The following VIPR2 variants were observed in gnomAD, a reference collection of about 807,000 sequenced individuals.
The protein encoded by VIPR2 is vasoactive intestinal peptide receptor 2, also known as vasoactive intestinal polypeptide receptor 2.
A neutral mutation model predicts 58.0 loss-of-function variants in VIPR2; 48 were observed. The ratio of observed to expected loss-of-function variants is 0.83; its 90% confidence interval spans 0.66 to 1.05. VIPR2 has a LOEUF of 1.05. Ranked by LOEUF, VIPR2 falls within the 50% of genes least tolerant of loss-of-function variation. The pLI, the probability that VIPR2 is intolerant of heterozygous loss-of-function variation, is 0.00. For missense variants in VIPR2, 534 were observed against 558.0 expected (o/e 0.96, Z 0.43); for synonymous variants, 243 against 235.2 (o/e 1.03, Z -0.30).
rs1402426561 is a variant in VIPR2, at chr7:159,044,174, T to G, written c.456-998A>C. Among the ~76,000 whole-genome samples, 6 of 152,176 alleles carry G rather than the reference T, an allele frequency of 3.9e-5. No homozygotes were observed. The East Asian group carries it at 5.8e-4, about 15-fold the overall frequency. ...AGGGCACTTTTTCTTTTTTTTTCAG[T>G]TTTTTATCTCTTTGACTCCAGGTGT... On this transcript the variant is annotated intron_variant, in intron 5 of 12. Transcript: ENST00000262178.
Position 159,098,949 on chromosome 7 carries a change from C to A in VIPR2, c.357+4808G>T, listed in dbSNP as rs1858038176. Among the ~76,000 whole-genome samples the A allele has an allele frequency of 6.6e-6, 1 of 152,198 alleles. No homozygotes were observed. The highest frequency in any genetic ancestry group is 2.1e-4 in the South Asian group (1 of 4,838). ...TTCAGCTCCCAGGCAGCCCTGCGCT[C>A]GCCGGTGGGCAGAGCCGGCCCAGGA... On this transcript the variant is annotated intron_variant, in intron 4 of 12. Coordinates refer to ENST00000262178, the MANE Select transcript of VIPR2 (RefSeq NM_003382.5). This position sits in a 1 kb window ranked among gnomAD's most constrained non-coding sequence, Gnocchi z 5.2.
At chr7:159,078,278 A>G (rs1161927357) in intron 4 of VIPR2, among the ~76,000 whole-genome samples, 1 of 152,214 alleles carries the variant, frequency 6.6e-6, no homozygotes, top group Non-Finnish European at 1.5e-5. Flanking sequence ...TGTTCCAACT[A>G]GTAACCTTTT....
Position 159,031,421 on chromosome 7 carries a change from C to T in VIPR2, c.1143+407G>A. 1.0e-6 allele frequency: 1 copy of T among 984,656 alleles called. No individual in the cohort carries two copies. Among genetic ancestry groups the T allele is most frequent in the Non-Finnish European group, 1.2e-6 (1 of 829,262 alleles). 61.0% of individuals were successfully genotyped at this position (984,656 alleles called of 1,614,324 possible). On this transcript the variant is annotated intron_variant, in intron 12 of 12. Coordinates refer to ENST00000262178, the MANE Select transcript of VIPR2 (RefSeq NM_003382.5). The surrounding 1 kb of genome is among the most constrained non-coding windows in gnomAD (Gnocchi z 4.0). ...ACGCAGGGCAGAGCTCGGCTCCGGG[C>T]TTCCTCCCCAGGGACTCACAGGACG... is the stretch of plus-strand genomic sequence containing the variant.
At chr7:159,144,431 G>A in intron 1 of VIPR2, 2 of 1,547,658 alleles carry the variant, frequency 1.3e-6, no homozygotes, top group South Asian at 1.2e-5. Flanking sequence ...CATCGTTGAC[G>A]CGTCCAGGAA....
At chr7:159,134,736 C>T (rs1269399065) in intron 2 of VIPR2, among the ~76,000 whole-genome samples, 2 of 151,942 alleles carry the variant, frequency 1.3e-5, no homozygotes, top group Non-Finnish European at 2.9e-5. Flanking sequence ...CGGCTCACTG[C>T]AAGCTCTGCC....
At chr7:159,134,988 T>C (rs192419623) in intron 2 of VIPR2, among the ~76,000 whole-genome samples, 111 of 144,756 alleles carry the variant, frequency 7.7e-4, no homozygotes, top group Non-Finnish European at 1.4e-3. Context: ...ATATTGGTCT[T>C]CTCTTAATTA....
At position 159,044,879 on chromosome 7, in the gene VIPR2, C is replaced by T. The variant is rs561328945; in HGVS notation, c.456-1703G>A. ...CTCCCTGATTCAAGTGATTCTCCTACCTCAGCCTTCTGAATAGCTGGGATT... is the reference window on the plus strand; with the variant it reads ...CTCCCTGATTCAAGTGATTCTCCTATCTCAGCCTTCTGAATAGCTGGGATT... On this transcript the variant is annotated intron_variant, in intron 5 of 12. Coordinates refer to ENST00000262178, the MANE Select transcript of VIPR2 (RefSeq NM_003382.5). Among the ~76,000 whole-genome samples the T allele has an allele frequency of 2.6e-3, 390 of 152,198 alleles. 2 individuals carry two copies. Among genetic ancestry groups the T allele is most frequent in the African/African-American group, 9.0e-3 (375 of 41,532 alleles).
chr7:159,101,385 T>C (rs1339526345), intron 4 of VIPR2, among the ~76,000 whole-genome samples: 14 of 114,678 alleles, frequency 1.2e-4, no homozygotes, highest in Non-Finnish European at 1.9e-4. Flanking sequence ...GACGAGGCGG[T>C]TCCGACCGTT....
intron 6 of VIPR2, among the ~76,000 whole-genome samples, chr7:159,040,222 G>A (rs1854238740): frequency 6.6e-6 from 1 of 152,192 alleles, no homozygotes; most frequent in Non-Finnish European, 1.5e-5. Context: ...CCACAGGAGG[G>A]GCCCAACTCC....
intron 4 of VIPR2, among the ~76,000 whole-genome samples, chr7:159,060,118 TTCACCTCACCTAACCATCACCC>T (rs1311820060): frequency 1.5e-5 from 2 of 133,760 alleles, no homozygotes; most frequent in Non-Finnish European, 3.2e-5. Context: ...AATCACCACC[TTCACCTCACCTAACCATCACCC>T]TCACCTCACC....
chr7:159,064,366 G>A (rs916018023), intron 4 of VIPR2, among the ~76,000 whole-genome samples: 2 of 152,104 alleles, frequency 1.3e-5, no homozygotes, highest in African/African-American at 4.8e-5. Flanking sequence ...AGAACCCTCC[G>A]GGACGGGACC....
intron 4 of VIPR2, among the ~76,000 whole-genome samples, chr7:159,069,338 C>T (rs1364977515): frequency 2.0e-5 from 3 of 152,174 alleles, no homozygotes; most frequent in African/African-American, 4.8e-5. Context: ...TTTCTGGAAC[C>T]CACGTGCAGT....
intron 4 of VIPR2, among the ~76,000 whole-genome samples, chr7:159,085,783 A>C (rs1014589006): frequency 6.6e-6 from 1 of 152,078 alleles, no homozygotes; most frequent in Admixed American, 6.5e-5. Flanking sequence ...CAGGATTCCA[A>C]CCCAAGACAT....
In VIPR2 at chr7:159,102,807, T is replaced by C. The variant is rs117304613; in HGVS notation, c.357+950A>G. ...TGCTGTGGGCTTGTAGGAGAACATT[T>C]GCATGTGGGGAGCGCGATACTTCCC... On this transcript the variant is annotated intron_variant, in intron 4 of 12. Coordinates refer to ENST00000262178, the MANE Select transcript of VIPR2 (RefSeq NM_003382.5). 5.9e-3 allele frequency among the ~76,000 whole-genome samples: 895 copies of C among 152,168 alleles called. 13 individuals carry two copies. The highest frequency in any genetic ancestry group is 0.036 in the East Asian group (186 of 5,150).
chr7:159,051,567 G>A (rs576334528), intron 5 of VIPR2, among the ~76,000 whole-genome samples: 9 of 152,250 alleles, frequency 5.9e-5, no homozygotes, highest in South Asian at 2.1e-4. Context: ...TAGACTGTGC[G>A]TATGAAAATG....
At chr7:159,122,365 G>A (rs1416351002) in intron 2 of VIPR2, among the ~76,000 whole-genome samples, 1 of 152,226 alleles carries the variant, frequency 6.6e-6, no homozygotes, top group South Asian at 2.1e-4. Context: ...GCAGAGACGA[G>A]GCTCCAGGGG....
intron 5 of VIPR2, among the ~76,000 whole-genome samples, chr7:159,049,592 T>C (rs1252098260): frequency 6.6e-6 from 1 of 152,182 alleles, no homozygotes; most frequent in Admixed American, 6.5e-5. Flanking sequence ...GAGCAACGAC[T>C]CTGCAGGAAA....
chr7:159,056,865 C>T (rs776626565), intron 5 of VIPR2, among the ~76,000 whole-genome samples: 3 of 152,192 alleles, frequency 2.0e-5, no homozygotes, highest in Non-Finnish European at 4.4e-5. Context: ...GTGGGATGAG[C>T]CCCAAGCCTA....
intron 6 of VIPR2, among the ~76,000 whole-genome samples, chr7:159,041,314 G>GA (rs1854314772): frequency 6.6e-6 from 1 of 152,232 alleles, no homozygotes; most frequent in African/African-American, 2.4e-5. Context: ...AGCAATAGGG[G>GA]AGAGTAGAGA....
Sources: gnomAD v4.1 joint callset for allele counts (sites outside exome capture counted in the v4.1 genomes callset) on GRCh38, gnomAD v4.1.1 for gene constraint, Gnocchi (gnomAD v3.1) non-coding constraint, MANE v1.5 for transcripts, NCBI Gene and HGNC (gene_info 2026-07-23, HGNC 2026-07-21) for gene names.